ADAMTS6: variants seen among roughly 807,000 people sequenced by gnomAD.
ADAMTS6 encodes ADAM metallopeptidase with thrombospondin type 1 motif 6, also known as A disintegrin and metalloproteinase with thrombospondin motifs 6.
In ADAMTS6, 23 loss-of-function variants were observed where a neutral mutation model predicts 144.3. That is an observed-to-expected ratio of 0.16 (90% CI 0.11 to 0.23). ADAMTS6 has a LOEUF of 0.23. ADAMTS6 is among the 10% of genes least tolerant of loss of function. ADAMTS6 has a pLI of 1.00. For synonymous variants in ADAMTS6, 444 were observed against 457.5 expected (o/e 0.97, Z 0.38); for missense variants, 999 against 1,379.6 (o/e 0.72, Z 4.37).
At chr5:65,216,051 T>C (rs140413990) in intron 18 of ADAMTS6, among the ~76,000 whole-genome samples, 1 of 152,298 alleles carries the variant, frequency 6.6e-6, no homozygotes, top group East Asian at 1.9e-4. Flanking sequence ...TTTCTTTCTT[T>C]ATATAAGAAT....
intron 21 of ADAMTS6, among the ~76,000 whole-genome samples, chr5:65,195,596 T>C (rs1310665798): frequency 3.3e-5 from 5 of 152,210 alleles, no homozygotes; most frequent in Admixed American, 3.3e-4. Flanking sequence ...AAATGCACCT[T>C]GAACAAGAAA....
intron 5 of ADAMTS6, among the ~76,000 whole-genome samples, 197 bp downstream of exon 5, chr5:65,452,510 T>A (rs1758836813): frequency 1.3e-5 from 2 of 150,128 alleles, no homozygotes. Flanking sequence ...CCACTAAAAC[T>A]GTCATATTAT....
intron 9 of ADAMTS6, among the ~76,000 whole-genome samples, chr5:65,307,687 G>T (rs901419951): frequency 1.3e-5 from 2 of 152,190 alleles, no homozygotes; most frequent in African/African-American, 4.8e-5. Flanking sequence ...GAGGTCATTA[G>T]CTTTGTAGAG....
At chr5:65,302,072 A>G (rs1743438544) in intron 9 of ADAMTS6, among the ~76,000 whole-genome samples, 1 of 142,058 alleles carries the variant, frequency 7.0e-6, no homozygotes, top group Non-Finnish European at 1.5e-5. Flanking sequence ...AGCTAGGGTA[A>G]CAGAGCAAGG....
intron 3 of ADAMTS6, among the ~76,000 whole-genome samples, chr5:65,461,095 T>C (rs1759612370): frequency 6.6e-6 from 1 of 152,182 alleles, no homozygotes; most frequent in African/African-American, 2.4e-5. Context: ...AGTTCTGCCC[T>C]TACTTACAGT....
At position 65,197,074 on chromosome 5, in the gene ADAMTS6, T is replaced by C; in HGVS notation, c.2653A>G (p.Ser885Gly). 1 of 1,614,118 alleles carries C rather than the reference T, an allele frequency of 6.2e-7. No individual in the cohort carries two copies. Among genetic ancestry groups the C allele is most frequent in the Non-Finnish European group, 8.5e-7 (1 of 1,179,954 alleles). The change falls in exon 21 of 25, where the codon AGT becomes GGT. Residue 885 changes from serine (S) to glycine (G), a missense_variant. Physicochemically the swap from Ser to Gly is moderately conservative, Grantham distance 56 (BLOSUM62 0). Coordinates refer to ENST00000381055, the MANE Select transcript of ADAMTS6 (RefSeq NM_197941.4). ...GCTCTTTGATTTTCAGGTGGCTTAC[T>C]GTCAGGATCACAGTAATTGTTCTGG... is the stretch of plus-strand genomic sequence containing the variant. ...IVQNNYCDPD[S>G]KPPENQRACN...
chr5:65,208,086 A>G (rs928283201), intron 20 of ADAMTS6, among the ~76,000 whole-genome samples: 1 of 152,158 alleles, frequency 6.6e-6, no homozygotes, highest in Non-Finnish European at 1.5e-5. Context: ...GCTCCTCTCT[A>G]CTTTCCCATC....
chr5:65,245,651 A>C (rs956030029), intron 14 of ADAMTS6, among the ~76,000 whole-genome samples: 1 of 152,182 alleles, frequency 6.6e-6, no homozygotes, highest in African/African-American at 2.4e-5. Flanking sequence ...GGAAAACTGA[A>C]TAAAGATAGG....
intron 7 of ADAMTS6, among the ~76,000 whole-genome samples, chr5:65,434,945 T>G (rs1031071368): frequency 3.9e-5 from 6 of 152,184 alleles, no homozygotes; most frequent in Non-Finnish European, 8.8e-5. Flanking sequence ...CAGCATCGTT[T>G]AAAATTGTTT....
At position 65,282,592 on chromosome 5, in the gene ADAMTS6, CAAAT is replaced by C. The variant is rs1406999454; in HGVS notation, c.1512+8733_1512+8736del. The stretch of plus-strand genomic sequence containing the variant: ...TCTACAGGGCCGCTTCAACATATGC[CAAAT>C]AAATAGATTTTAGGGTAAAATTTTT... On this transcript the variant is annotated intron_variant, in intron 11 of 24. Coordinates refer to ENST00000381055, the MANE Select transcript of ADAMTS6 (RefSeq NM_197941.4). Among the ~76,000 whole-genome samples the C allele has an allele frequency of 2.0e-5, 3 of 152,152 alleles. No individual in the cohort carries two copies. In the East Asian group the frequency reaches 5.8e-4, roughly 29 times the overall value.
At chr5:65,355,608 G>C (rs897804029) in intron 7 of ADAMTS6, among the ~76,000 whole-genome samples, 10 of 151,770 alleles carry the variant, frequency 6.6e-5, no homozygotes, top group Non-Finnish European at 1.5e-4. Context: ...AATAATGACT[G>C]TTTGAGAGGT....
At chr5:65,263,806 C>G (rs969582708) in intron 12 of ADAMTS6, among the ~76,000 whole-genome samples, 1 of 152,156 alleles carries the variant, frequency 6.6e-6, no homozygotes, top group Non-Finnish European at 1.5e-5. Context: ...AATTATCAAA[C>G]TTTGACACAC....
chr5:65,373,993 A>G (rs1376785609), intron 7 of ADAMTS6, among the ~76,000 whole-genome samples: 1 of 152,224 alleles, frequency 6.6e-6, no homozygotes, highest in Non-Finnish European at 1.5e-5. Context: ...TATAAACAGA[A>G]CCAAAGAGAA....
intron 10 of ADAMTS6, among the ~76,000 whole-genome samples, chr5:65,296,954 A>G (rs984576309): frequency 5.9e-5 from 9 of 152,174 alleles, no homozygotes; most frequent in African/African-American, 2.2e-4. Context: ...AAATGTATGA[A>G]AAACTGGCTT....
At chr5:65,467,735 GA>G (rs941489107) in intron 3 of ADAMTS6, among the ~76,000 whole-genome samples, 1 of 152,150 alleles carries the variant, frequency 6.6e-6, no homozygotes, top group African/African-American at 2.4e-5. Flanking sequence ...CACAGACTCA[GA>G]AACTTTACTT....
rs149636120 is a variant in ADAMTS6 at position 65,254,220 on chromosome 5, G to A, written c.1830+6380C>T. 1.0e-3 allele frequency among the ~76,000 whole-genome samples: 156 copies of A among 152,098 alleles called. 1 individual carries two copies. Among genetic ancestry groups the A allele is most frequent in the Admixed American group, 1.3e-3 (20 of 15,280 alleles). On this transcript the variant is annotated intron_variant, in intron 14 of 24. Transcript: ENST00000381055. The stretch of plus-strand genomic sequence containing the variant: ...AAATTCCATAGGTTATATAATAGAA[G>A]CTGTTAGAATAGATTTTTAAAATGT...
In ADAMTS6 at chr5:65,242,085, C is replaced by T. The variant is rs751020549; in HGVS notation, c.1933+19G>A. 1 of 1,516,358 alleles carries T rather than the reference C, an allele frequency of 6.6e-7. No individual in the cohort carries two copies. Among genetic ancestry groups the T allele is most frequent in the Non-Finnish European group, 9.0e-7 (1 of 1,113,614 alleles). The allele number at this position is 1,516,358 out of a possible 1,614,324, so 93.9% of individuals were successfully genotyped here. A position where few individuals can be genotyped will look rare whatever the true frequency, so the allele number is the denominator to read the frequency against. Reference sequence around the variant, plus strand: ...TGCAAAGTGCTCAAGCATGAATGCTCTGTCAGGTTATACATTACCTCCAGT... The same window carrying T: ...TGCAAAGTGCTCAAGCATGAATGCTTTGTCAGGTTATACATTACCTCCAGT... On this transcript the variant is annotated intron_variant, in intron 15 of 24. Coordinates refer to ENST00000381055, the MANE Select transcript of ADAMTS6 (RefSeq NM_197941.4).
intron 22 of ADAMTS6, among the ~76,000 whole-genome samples, chr5:65,176,731 T>C (rs1257039237): frequency 6.6e-6 from 1 of 152,214 alleles, no homozygotes; most frequent in Non-Finnish European, 1.5e-5. Flanking sequence ...TAAAACTAAG[T>C]TTAACATTAA....
Position 65,420,481 on chromosome 5 carries a change from A to C in ADAMTS6, c.1073+30994T>G, listed in dbSNP as rs891189861. The stretch of plus-strand genomic sequence containing the variant: ...ACCGCAACCTCCGCCCCCTGGGTTC[A>C]AGTGATTCTCCTGCCTCAGCCTCAC... On this transcript the variant is annotated intron_variant, in intron 7 of 24. Transcript: ENST00000381055. Among the ~76,000 whole-genome samples, 9 of 152,274 alleles carry C rather than the reference A, an allele frequency of 5.9e-5. No homozygotes were observed. The East Asian group carries it at 1.5e-3, about 26-fold the overall frequency.
Sources: gnomAD v4.1 joint callset for allele counts (sites outside exome capture counted in the v4.1 genomes callset) on GRCh38, gnomAD v4.1.1 for gene constraint, MANE v1.5 for transcripts, NCBI Gene and HGNC (gene_info 2026-07-23, HGNC 2026-07-21) for gene names.